Variants in SCN7A observed in about 807,000 individuals in gnomAD.
SCN7A encodes sodium voltage-gated channel alpha subunit 7.
A neutral mutation model predicts 155.2 loss-of-function variants in SCN7A; 138 were observed. The ratio of observed to expected loss-of-function variants is 0.89; its 90% CI spans 0.77 to 1.02. SCN7A has a LOEUF of 1.02. Ranked by LOEUF, SCN7A falls within the 50% of genes least tolerant of loss-of-function variation. The pLI is 0.00. For missense variants in SCN7A, 2,058 were observed against 1,986.6 expected (o/e 1.04, Z -0.68); for synonymous variants, 693 against 649.0 (o/e 1.07, Z -1.03).
intron 11 of SCN7A, among the ~76,000 whole-genome samples, chr2:166,454,613 G>A (rs751253949): frequency 2.6e-5 from 4 of 152,012 alleles, no homozygotes; most frequent in South Asian, 4.2e-4. Context: ...AGTGTATCTC[G>A]GCCCTTCACT....
At chr2:166,437,332 G>A (rs1012668977) in intron 15 of SCN7A, among the ~76,000 whole-genome samples, 1 of 152,192 alleles carries the variant, frequency 6.6e-6, no homozygotes. Context: ...CTGGTGCAAA[G>A]AAGTCAAGAA....
chr2:166,406,178 C>T lies in SCN7A; in HGVS notation c.4451G>A (p.Trp1484Ter). 6.2e-7 allele frequency: 1 copy of T among 1,612,486 alleles called. No individual in the cohort carries two copies. Among genetic ancestry groups the T allele is most frequent in the Non-Finnish European group, 8.5e-7 (1 of 1,179,164 alleles). The change falls in exon 26 of 26, where the codon TGG (tryptophan) becomes TAG (stop). Residue 1484 changes from tryptophan to a stop codon, truncating the protein, a stop_gained. Coordinates refer to ENST00000643258, the MANE Select transcript of SCN7A (RefSeq NM_002976.4). LOFTEE classifies it high-confidence loss of function. ...AATGTACATATTTACAATGATCAGC[C>T]ATGATATGAGGATATAACTGACAAA... ...FYFVSYILIS[W>*]LIIVNMYIVV...
chr2:166,413,753 C>G (rs114948232), intron 21 of SCN7A, among the ~76,000 whole-genome samples: 11,867 of 150,860 alleles, frequency 0.079, 543 homozygotes, highest in Middle Eastern at 0.13. Context: ...ATAAAGCAGG[C>G]AGGAAAACGT....
chr2:166,474,551 T>A (rs2105506246), intron 3 of SCN7A, among the ~76,000 whole-genome samples: 1 of 151,844 alleles, frequency 6.6e-6, no homozygotes, highest in East Asian at 1.9e-4. Context: ...ATCTACCATT[T>A]TTGTTTTTTT....
chr2:166,438,042 G>A (rs1487812533), intron 15 of SCN7A, among the ~76,000 whole-genome samples: 1 of 152,142 alleles, frequency 6.6e-6, no homozygotes, highest in Non-Finnish European at 1.5e-5. Context: ...GAGGATATGA[G>A]ATTTGGGAAG....
chr2:166,419,243 G>GT (rs1553514631), intron 20 of SCN7A, among the ~76,000 whole-genome samples: 12 of 150,980 alleles, frequency 7.9e-5, no homozygotes, highest in East Asian at 1.9e-4. Context: ...TACTTAGGGG[G>GT]GTGTGTGTGT....
chr2:166,446,181 G>GA (rs35874533), intron 12 of SCN7A, among the ~76,000 whole-genome samples: 19,422 of 151,694 alleles, frequency 0.13, 1,361 homozygotes, highest in Middle Eastern at 0.16. Flanking sequence ...AAATTTAGAA[G>GA]AAAAAACCCC....
At chr2:166,417,117 T>G (rs1701396383) in intron 20 of SCN7A, 132 bp from the exon 21 acceptor site, 23 of 678,758 alleles carry the variant, frequency 3.4e-5, no homozygotes, top group Middle Eastern at 3.9e-4. Context: ...ATCTAAAGAT[T>G]TAACAGCCCA....
Position 166,473,771 on chromosome 2 carries a change from T to C in SCN7A, c.443+28A>G, listed in dbSNP as rs1368653413. 4 of 670,852 alleles carry C rather than the reference T, an allele frequency of 6.0e-6. No homozygotes were observed. The East Asian group carries it at 1.5e-4, about 25-fold the overall frequency. The allele number at this position is 670,852 out of a possible 1,614,324, so 41.6% of individuals were successfully genotyped here. ...TAAAAATATACAATTATATATGATA[T>C]TATGTATAAAATAATTATATAACAT... On this transcript the variant is annotated intron_variant, in intron 5 of 25. Transcript: ENST00000643258.
chr2:166,403,778 T>C lies in SCN7A; in HGVS notation c.*1802A>G, dbSNP rs1297046651. The C allele has an allele frequency of 6.6e-6, 1 of 151,986 alleles. No individual in the cohort carries two copies. The highest frequency in any genetic ancestry group is 1.5e-5 in the Non-Finnish European group (1 of 67,958). 9.4% of individuals were successfully genotyped at this position (151,986 alleles called of 1,614,324 possible). On this transcript the variant is annotated 3_prime_UTR_variant, in exon 26 of 26. Transcript: ENST00000643258. The stretch of plus-strand genomic sequence containing the variant: ...GAAGCAAGTTATGATTCAATTTAAG[T>C]ATCTGAAGCAGTTTCCACAATAAAG...
In SCN7A at chr2:166,417,849, C is replaced by T. The variant is rs2105382920; in HGVS notation, c.3136-864G>A. Among the ~76,000 whole-genome samples the T allele has an allele frequency of 2.6e-5, 4 of 151,846 alleles. No individual in the cohort carries two copies. The Middle Eastern group carries it at 0.014, about 520-fold the overall frequency. On this transcript the variant is annotated intron_variant, in intron 20 of 25. Coordinates refer to ENST00000643258, the MANE Select transcript of SCN7A (RefSeq NM_002976.4). ...GTACGTCACAAAGATTCAATCCTCA[C>T]TGAACCATTTGGTGTCACTGGTGAG... is the stretch of plus-strand genomic sequence containing the variant.
At chr2:166,437,553 C>G (rs962595500) in intron 15 of SCN7A, among the ~76,000 whole-genome samples, 5 of 152,086 alleles carry the variant, frequency 3.3e-5, no homozygotes, top group African/African-American at 1.2e-4. Context: ...TCCTCCAGAC[C>G]CCATAATGGT....
At chr2:166,474,415 GC>G (rs1267050018) in intron 3 of SCN7A, 71 bp from the exon 4 acceptor site, 3 of 532,178 alleles carry the variant, frequency 5.6e-6, no homozygotes, top group Non-Finnish European at 9.6e-6. Context: ...GCAATAAACT[GC>G]CAATCAATCA....
At chr2:166,417,795 G>C (rs1258519455) in intron 20 of SCN7A, among the ~76,000 whole-genome samples, 2 of 151,580 alleles carry the variant, frequency 1.3e-5, no homozygotes, top group Non-Finnish European at 2.9e-5. Flanking sequence ...CAAGAGAAGA[G>C]ATTGCTTCAG....
chr2:166,424,694 G>A (rs1264778034), intron 18 of SCN7A, among the ~76,000 whole-genome samples: 1 of 151,712 alleles, frequency 6.6e-6, no homozygotes, highest in East Asian at 1.9e-4. Flanking sequence ...AGAAAAAAAA[G>A]CAATCATAGT....
intron 21 of SCN7A, among the ~76,000 whole-genome samples, chr2:166,415,426 T>C (rs1032651180): frequency 1.4e-4 from 22 of 152,060 alleles, no homozygotes; most frequent in African/African-American, 5.3e-4. Flanking sequence ...GGTTTCACCA[T>C]GTTGGCTAGG....
At chr2:166,425,011 A>C (rs1366921699) in intron 18 of SCN7A, among the ~76,000 whole-genome samples, 3 of 152,132 alleles carry the variant, frequency 2.0e-5, no homozygotes, top group Admixed American at 2.0e-4. Flanking sequence ...CCTGAGAGGC[A>C]ATGTTTCCAC....
chr2:166,443,406 T>C, intron 14 of SCN7A, 97 bp downstream of exon 14: 3 of 957,622 alleles, frequency 3.1e-6, no homozygotes, highest in Non-Finnish European at 4.7e-6. Context: ...GCTCCCAATG[T>C]CCCAATGGGA....
intron 20 of SCN7A, among the ~76,000 whole-genome samples, chr2:166,420,042 G>A (rs962326800): frequency 6.6e-6 from 1 of 151,922 alleles, no homozygotes; most frequent in African/African-American, 2.4e-5. Context: ...CACGGGCTAA[G>A]TATACATATA....
Sources: allele counts gnomAD v4.1 joint callset (sites outside exome capture counted in the v4.1 genomes callset), GRCh38; gene constraint gnomAD v4.1.1; transcripts MANE v1.5; gene names NCBI Gene and HGNC (gene_info 2026-07-23, HGNC 2026-07-21).